The following PPP2R5E variants were observed in gnomAD, a reference collection of about 807,000 sequenced individuals.
PPP2R5E encodes protein phosphatase 2 regulatory subunit B'epsilon.
PPP2R5E carries 4 observed loss-of-function variants against 65.3 expected under a neutral mutation model. The ratio of observed to expected loss-of-function variants is 0.06; its 90% CI spans 0.03 to 0.14. The LOEUF is 0.14. Ranked by LOEUF, PPP2R5E falls within the 10% of genes least tolerant of loss-of-function variation. PPP2R5E has a pLI of 1.00. For missense variants in PPP2R5E, 274 were observed against 556.1 expected, an observed-to-expected ratio of 0.49 and a Z score of 5.10; for synonymous variants, 183 against 187.4, an observed-to-expected ratio of 0.98 and a Z score of 0.19.
At chr14:63,443,969 T>C (rs1054024029) in intron 3 of PPP2R5E, among the ~76,000 whole-genome samples, 1 of 152,218 alleles carries the variant, frequency 6.6e-6, no homozygotes, top group African/African-American at 2.4e-5. Context: ...AGTCTCCTAA[T>C]TGATTCCTCT....
chr14:63,417,793 T>G (rs1049662562), intron 4 of PPP2R5E, among the ~76,000 whole-genome samples: 1 of 152,144 alleles, frequency 6.6e-6, no homozygotes, highest in African/African-American at 2.4e-5. Flanking sequence ...CTCGTTAAGG[T>G]AGCAGCAATT....
chr14:63,427,845 A>G (rs947057999), intron 3 of PPP2R5E, among the ~76,000 whole-genome samples: 11 of 152,122 alleles, frequency 7.2e-5, no homozygotes, highest in African/African-American at 2.7e-4. Flanking sequence ...TGGTGCAAAG[A>G]GCTTGCAAGT....
chr14:63,445,937 T>C (rs1203257903), intron 3 of PPP2R5E, among the ~76,000 whole-genome samples: 1 of 152,218 alleles, frequency 6.6e-6, no homozygotes, highest in Non-Finnish European at 1.5e-5. Flanking sequence ...TCTGATAGCA[T>C]TTTATCCACA....
chr14:63,464,965 A>T (rs1000547213), intron 2 of PPP2R5E, among the ~76,000 whole-genome samples: 2 of 151,748 alleles, frequency 1.3e-5, no homozygotes, highest in African/African-American at 4.8e-5. Context: ...AGAGGTTGCA[A>T]CGAGCCGAAA....
intron 12 of PPP2R5E, among the ~76,000 whole-genome samples, chr14:63,382,403 CTT>C (rs576740305): frequency 2.7e-4 from 37 of 138,438 alleles, no homozygotes; most frequent in Admixed American, 2.9e-4. Flanking sequence ...CTTCTAATTT[CTT>C]TTTTTTTTTT....
rs1015167903 is a variant in PPP2R5E at position 63,541,822 on chromosome 14, T to TA, written c.-8+956dup. The stretch of plus-strand genomic sequence containing the variant: ...TTTGGAAGTCTTCTTTGGTTTTCTT[T>TA]AAAAAAAAAAAAGTTTTTAAAAATC... On this transcript the variant is annotated intron_variant, in intron 1 of 13. Transcript: ENST00000337537. Among the ~76,000 whole-genome samples, 513 of 145,782 alleles carry TA rather than the reference T, an allele frequency of 3.5e-3. 2 individuals are homozygous for TA. Among genetic ancestry groups the TA allele is most frequent in the Middle Eastern group, 7.2e-3 (2 of 278 alleles).
chr14:63,447,227 T>C (rs943283299), intron 3 of PPP2R5E, among the ~76,000 whole-genome samples: 9 of 152,226 alleles, frequency 5.9e-5, no homozygotes, highest in African/African-American at 2.2e-4. Context: ...AAGTCAGAGA[T>C]GGTAACATCT....
intron 2 of PPP2R5E, among the ~76,000 whole-genome samples, chr14:63,504,852 T>G (rs942416171): frequency 3.3e-5 from 5 of 152,194 alleles, no homozygotes; most frequent in African/African-American, 2.4e-5. Context: ...CACTCCAGCA[T>G]CTAGCCAAGT....
intron 11 of PPP2R5E, among the ~76,000 whole-genome samples, chr14:63,389,183 T>A (rs1006920284): frequency 6.6e-6 from 1 of 151,994 alleles, no homozygotes; most frequent in African/African-American, 2.4e-5. Context: ...GGGACATTTA[T>A]AAATAATGTA....
chr14:63,413,141 A>G (rs1247187810), intron 5 of PPP2R5E, among the ~76,000 whole-genome samples: 4 of 152,190 alleles, frequency 2.6e-5, no homozygotes, highest in African/African-American at 4.8e-5. Flanking sequence ...TCCTTTCCAA[A>G]TCTGGGTTTC....
intron 2 of PPP2R5E, among the ~76,000 whole-genome samples, chr14:63,519,514 T>C (rs1478425663): frequency 6.7e-6 from 1 of 150,154 alleles, no homozygotes; most frequent in East Asian, 2.0e-4. Context: ...CTAATTTTTT[T>C]TTTTTTTTTT....
At chr14:63,407,573 GAT>G (rs561847248) in intron 5 of PPP2R5E, among the ~76,000 whole-genome samples, 27 of 152,058 alleles carry the variant, frequency 1.8e-4, no homozygotes, top group Non-Finnish European at 3.7e-4. Context: ...AAAAAATAGA[GAT>G]ATCTAAAAAA....
At chr14:63,499,482 T>C (rs1255628) in intron 2 of PPP2R5E, among the ~76,000 whole-genome samples, 49,416 of 152,108 alleles carry the variant, frequency 0.32, 11,954 homozygotes, top group African/African-American at 0.69. Flanking sequence ...CCCAGCACTT[T>C]GGGAGGCCGA....
At chr14:63,434,818 C>T (rs904180471) in intron 3 of PPP2R5E, among the ~76,000 whole-genome samples, 2 of 152,158 alleles carry the variant, frequency 1.3e-5, no homozygotes, top group African/African-American at 4.8e-5. Flanking sequence ...CTGCTATATA[C>T]AATTTGTCAA....
At chr14:63,507,322 C>T (rs1328888402) in intron 2 of PPP2R5E, among the ~76,000 whole-genome samples, 1 of 152,156 alleles carries the variant, frequency 6.6e-6, no homozygotes, top group Non-Finnish European at 1.5e-5. Flanking sequence ...AAAGACCTCT[C>T]TCTTTCCTGG....
intron 2 of PPP2R5E, among the ~76,000 whole-genome samples, chr14:63,533,176 C>T (rs1189602271): frequency 2.0e-5 from 3 of 152,180 alleles, no homozygotes; most frequent in African/African-American, 7.2e-5. Flanking sequence ...GGTTTTAGCA[C>T]ATTCACTCGT....
At chr14:63,403,574 T>C (rs1439840494) in intron 5 of PPP2R5E, among the ~76,000 whole-genome samples, 1 of 149,642 alleles carries the variant, frequency 6.7e-6, no homozygotes, top group Non-Finnish European at 1.5e-5. Flanking sequence ...GGGATGACTG[T>C]GTGGATGGCC....
chr14:63,401,923 T>A (rs1885776495), intron 5 of PPP2R5E, among the ~76,000 whole-genome samples: 1 of 151,976 alleles, frequency 6.6e-6, no homozygotes, highest in East Asian at 1.9e-4. Context: ...TATTTGATGG[T>A]AAGGGTGTGA....
At chr14:63,515,443 T>C (rs1329928553) in intron 2 of PPP2R5E, among the ~76,000 whole-genome samples, 1 of 152,240 alleles carries the variant, frequency 6.6e-6, no homozygotes, top group Non-Finnish European at 1.5e-5. Flanking sequence ...TTCTGCACTG[T>C]CAGTGATTTC....
Sources: gnomAD v4.1 joint callset for allele counts (sites outside exome capture counted in the v4.1 genomes callset) on GRCh38, gnomAD v4.1.1 for gene constraint, MANE v1.5 for transcripts, NCBI Gene and HGNC (gene_info 2026-07-23, HGNC 2026-07-21) for gene names.